The following UGT3A1 variants were observed in gnomAD, a reference collection of about 807,000 sequenced individuals.
UGT3A1 encodes UDP-glycosyltransferase 3A1.
Under a neutral mutation model 37.6 loss-of-function variants are expected in UGT3A1, and 40 were observed. That is an observed-to-expected ratio of 1.06 (90% CI 0.83 to 1.38). UGT3A1 has a LOEUF of 1.38. Among genes scored for constraint, UGT3A1 ranks in the 40% most tolerant of loss-of-function variants. The pLI is 0.00. For synonymous variants in UGT3A1, 256 were observed against 232.3 expected (o/e 1.10, Z -0.93); for missense variants, 642 against 634.2 (o/e 1.01, Z -0.13).
intron 4 of UGT3A1, among the ~76,000 whole-genome samples, chr5:35,959,291 A>C (rs531290900): frequency 3.9e-5 from 6 of 152,368 alleles, no homozygotes; most frequent in South Asian, 2.1e-4. Flanking sequence ...ATCACAAGGC[A>C]TACAAAGAAA....
chr5:35,993,325 G>A (rs1430842120), upstream of UGT3A1, among the ~76,000 whole-genome samples: 17 of 152,060 alleles, frequency 1.1e-4, no homozygotes, highest in East Asian at 1.4e-3. Context: ...TTAGCTGGGC[G>A]TGGTAGCACG....
At chr5:35,961,505 G>T (rs1377926489) in intron 4 of UGT3A1, 2 of 152,206 alleles carry the variant, frequency 1.3e-5, no homozygotes. Flanking sequence ...AAACCATTCT[G>T]CTTTGAGCTG....
At position 35,953,885 on chromosome 5, in the gene UGT3A1, T is replaced by C. The variant is rs1016898350; in HGVS notation, c.*317A>G. The C allele has an allele frequency of 1.9e-5, 5 of 270,182 alleles. No individual in the cohort carries two copies. The highest frequency in any genetic ancestry group is 3.5e-5 in the Non-Finnish European group (5 of 142,772). 16.7% of individuals were successfully genotyped at this position (270,182 alleles called of 1,614,324 possible). A position where few individuals can be genotyped will look rare whatever the true frequency, so the allele number is the denominator to read the frequency against. On this transcript the variant is annotated 3_prime_UTR_variant, in exon 7 of 7. Transcript: ENST00000274278. ...AAGTGATAGAAGGAGAAATGGGGAC[T>C]GGAAACTGGGAAGTCATCTAAACAA...
At position 35,952,967 on chromosome 5, in the gene UGT3A1, G is replaced by A. The variant is rs1739225533; in HGVS notation, c.*1235C>T. ...AGCATTTGTAACAGTTTCATCTTTT[G>A]ATCTGAATTGTTTCAAGATCTGTTT... On this transcript the variant is annotated 3_prime_UTR_variant, in exon 7 of 7. Coordinates refer to ENST00000274278, the MANE Select transcript of UGT3A1 (RefSeq NM_152404.4). The A allele has an allele frequency of 6.6e-6, 1 of 152,166 alleles. No homozygotes were observed. The allele number at this position is 152,166 out of a possible 1,614,324, so 9.4% of individuals were successfully genotyped here.
At chr5:35,984,470 G>T (rs1370948737) in intron 2 of UGT3A1, among the ~76,000 whole-genome samples, 1 of 101,238 alleles carries the variant, frequency 9.9e-6, no homozygotes, top group Admixed American at 1.4e-4. Context: ...CAATCTCACA[G>T]AATTTTTTTT....
chr5:35,971,724 A>G (rs1420923588), intron 2 of UGT3A1, among the ~76,000 whole-genome samples: 3 of 152,012 alleles, frequency 2.0e-5, no homozygotes, highest in Non-Finnish European at 4.4e-5. Context: ...CTCCAACCCC[A>G]GCTCTCAGCC....
chr5:35,993,356 C>G (rs1320744382), upstream of UGT3A1, among the ~76,000 whole-genome samples: 4 of 151,742 alleles, frequency 2.6e-5, no homozygotes, highest in Non-Finnish European at 5.9e-5. Context: ...CCCAGCTACT[C>G]GAGAGGCTGA....
chr5:35,989,829 C>T (rs530346559), intron 1 of UGT3A1, among the ~76,000 whole-genome samples: 2 of 152,164 alleles, frequency 1.3e-5, no homozygotes, highest in African/African-American at 4.8e-5. Context: ...TTCAAATGAA[C>T]TAACACAGTT....
At chr5:35,997,525 C>A (rs1741125689) in intron 1 of UGT3A1, among the ~76,000 whole-genome samples, 1 of 151,948 alleles carries the variant, frequency 6.6e-6, no homozygotes. Context: ...CTCCCAGGTT[C>A]AAGTGATTCT....
chr5:35,988,612 G>A lies in UGT3A1; in HGVS notation c.95-61C>T, dbSNP rs1740818140. 7.2e-6 allele frequency: 9 copies of A among 1,242,730 alleles called. No individual in the cohort carries two copies. In the Admixed American group the frequency reaches 1.9e-4, roughly 26 times the overall value. 77.0% of individuals were successfully genotyped at this position (1,242,730 alleles called of 1,614,324 possible). A position where few individuals can be genotyped will look rare whatever the true frequency, so the allele number is the denominator to read the frequency against. On this transcript the variant is annotated intron_variant, in intron 1 of 6. Transcript: ENST00000274278. ...AAATAGAGTTTCTGATGACAATATG[G>A]GAGTAGGCAGGAGGGAATGGAAATT...
intron 1 of UGT3A1, among the ~76,000 whole-genome samples, chr5:35,989,822 A>G (rs1740865387): frequency 6.6e-6 from 1 of 152,230 alleles, no homozygotes; most frequent in Non-Finnish European, 1.5e-5. Context: ...AAAAGACTTC[A>G]AATGAACTAA....
upstream of UGT3A1, among the ~76,000 whole-genome samples, chr5:35,994,832 T>C (rs1370679476): frequency 1.3e-5 from 2 of 152,154 alleles, no homozygotes; most frequent in Non-Finnish European, 2.9e-5. Flanking sequence ...CGGAGGAACA[T>C]AAAGTTCCCC....
At chr5:35,998,903 AAG>A (rs1403109464) in intron 1 of UGT3A1, among the ~76,000 whole-genome samples, 5 of 152,232 alleles carry the variant, frequency 3.3e-5, no homozygotes, top group East Asian at 1.9e-4. Flanking sequence ...ATGCTATGGA[AAG>A]AGAGAGAATA....
chr5:35,989,733 C>T (rs1454111693), intron 1 of UGT3A1, among the ~76,000 whole-genome samples: 1 of 152,148 alleles, frequency 6.6e-6, no homozygotes, highest in Non-Finnish European at 1.5e-5. Context: ...CTCTTGAAGT[C>T]TGAGGAAGGA....
At position 35,953,672 on chromosome 5, in the gene UGT3A1, C is replaced by T. The variant is rs1253515656; in HGVS notation, c.*530G>A. ...CCATGTCTGACCAGCAAAGGAGGTG[C>T]TCTCTAAGGAAGGGGTCTCAGGCAG... On this transcript the variant is annotated 3_prime_UTR_variant, in exon 7 of 7. Coordinates refer to ENST00000274278, the MANE Select transcript of UGT3A1 (RefSeq NM_152404.4). The T allele has an allele frequency of 6.5e-6, 1 of 153,836 alleles. No homozygotes were observed. The highest frequency in any genetic ancestry group is 1.9e-4 in the East Asian group (1 of 5,350). 9.5% of individuals were successfully genotyped at this position (153,836 alleles called of 1,614,324 possible).
intron 1 of UGT3A1, among the ~76,000 whole-genome samples, chr5:35,988,959 T>C (rs945147009): frequency 1.3e-5 from 2 of 152,228 alleles, no homozygotes; most frequent in Non-Finnish European, 2.9e-5. Flanking sequence ...CACAGTAGTG[T>C]GTACATTAGT....
intron 1 of UGT3A1, among the ~76,000 whole-genome samples, chr5:35,990,760 G>C (rs1370086320): frequency 6.6e-6 from 1 of 152,108 alleles, no homozygotes; most frequent in Non-Finnish European, 1.5e-5. Flanking sequence ...CGTTTCTGCT[G>C]GAAGCTACTG....
chr5:35,964,126 T>C (rs573310314), intron 4 of UGT3A1, among the ~76,000 whole-genome samples: 1 of 152,272 alleles, frequency 6.6e-6, no homozygotes, highest in South Asian at 2.1e-4. Context: ...ATTATAAATA[T>C]TTGTCCACAA....
intron 1 of UGT3A1, chr5:36,000,841 A>G (rs1304424720): frequency 1.3e-5 from 2 of 152,248 alleles, no homozygotes; most frequent in African/African-American, 4.8e-5. Context: ...TGAATTTCAC[A>G]ACCTTGCTAT....
Sources: gnomAD v4.1 joint callset for allele counts (sites outside exome capture counted in the v4.1 genomes callset) on GRCh38, gnomAD v4.1.1 for gene constraint, MANE v1.5 for transcripts, NCBI Gene and HGNC (gene_info 2026-07-23, HGNC 2026-07-21) for gene names.